HR: variants seen among roughly 807,000 people sequenced by gnomAD.
HR encodes the protein HR lysine demethylase and nuclear receptor corepressor.
Under a neutral mutation model 128.6 loss-of-function variants are expected in HR, and 83 were observed. The ratio of observed to expected loss-of-function variants is 0.65; its 90% CI spans 0.54 to 0.77. The LOEUF is 0.77. Ranked by LOEUF, HR falls within the 30% of genes least tolerant of loss-of-function variation. The probability of loss-of-function intolerance (pLI) is 0.00; values close to 1 mark genes in which losing one functional copy is unlikely to be tolerated. For synonymous variants in HR, 681 were observed against 658.2 expected, an observed-to-expected ratio of 1.03 and a Z score of -0.53; for missense variants, 1,490 against 1,574.6, an observed-to-expected ratio of 0.95 and a Z score of 0.91.
At chr8:22,122,978 C>T in intron 6 of HR, 99 bp from the exon 7 acceptor site, 4 of 1,116,188 alleles carry the variant, frequency 3.6e-6, no homozygotes, top group Non-Finnish European at 4.0e-6. Flanking sequence ...CCAGGGGACT[C>T]AATAGTCCAC....
At chr8:22,118,816 C>A (rs762847051) in intron 16 of HR, 134 bp downstream of exon 16, 8 of 721,852 alleles carry the variant, frequency 1.1e-5, no homozygotes, top group Non-Finnish European at 1.2e-5. Flanking sequence ...CCTGTCTGTG[C>A]GAGTTGGGTC....
At position 22,125,504 on chromosome 8, in the gene HR, T is replaced by G. The variant is rs1016281593; in HGVS notation, c.1557A>C (p.Arg519Ser). 2 of 1,613,262 alleles carry G rather than the reference T, an allele frequency of 1.2e-6. No homozygotes were observed. The highest frequency in any genetic ancestry group is 1.7e-6 in the Non-Finnish European group (2 of 1,179,922). The change falls in exon 5 of 19, where the codon AGA (arginine) becomes AGC (serine). Residue 519 changes from arginine to serine, a missense_variant and splice_region_variant. Coordinates refer to ENST00000381418, the MANE Select transcript of HR (RefSeq NM_005144.5). ...GCTGCAGCTCCCCTCCCAGAGGCGA[T>G]CTGGAGAGAGGGCAGGGGGAGGTGA... ...GHACHSQQVR[R>S]SPLGGELQQE...
At position 22,120,350 on chromosome 8, in the gene HR, CA is replaced by C; in HGVS notation, c.2767del (p.Trp923GlyfsTer31). ...GSTTFWEGFS[W>X]PELRPKSDEG... is the part of the protein sequence containing the mutation. ...GTGTTGGGGACACTTACGCTCAGGCCAGGAGAAGCCCTCCCAGAATGTTGTG... is the reference window on the plus strand; with the variant it reads ...GTGTTGGGGACACTTACGCTCAGGCCGGAGAAGCCCTCCCAGAATGTTGTG... On this transcript the variant is annotated frameshift_variant, in exon 12 of 19. Transcript: ENST00000381418. LOFTEE classifies it high-confidence loss of function. 2.5e-6 allele frequency: 4 copies of C among 1,613,796 alleles called. No individual in the cohort carries two copies. The highest frequency in any genetic ancestry group is 3.4e-6 in the Non-Finnish European group (4 of 1,180,014).
At chr8:22,123,585 A>T in intron 6 of HR, 64 bp downstream of exon 6, 1 of 1,470,910 alleles carries the variant, frequency 6.8e-7, no homozygotes, top group Non-Finnish European at 9.1e-7. Flanking sequence ...ACGAATGACC[A>T]CAGGCTTGCA....
Position 22,114,599 on chromosome 8 carries a change from G to C in HR, c.*1101C>G, listed in dbSNP as rs997294466. ...CGTGGAGCGGGGACAAGGAGGGGTC[G>C]GCTGTCTGAAGCAGTCAGGCTCAGT... is the stretch of plus-strand genomic sequence containing the variant. On this transcript the variant is annotated 3_prime_UTR_variant, in exon 19 of 19. Transcript: ENST00000381418. 1.3e-5 allele frequency: 2 copies of C among 153,006 alleles called. No homozygotes were observed. Among genetic ancestry groups the C allele is most frequent in the African/African-American group, 2.4e-5 (1 of 41,490 alleles). 9.5% of individuals were successfully genotyped at this position (153,006 alleles called of 1,614,324 possible).
intron 3 of HR, among the ~76,000 whole-genome samples, chr8:22,126,308 C>T (rs751678043): frequency 3.3e-5 from 5 of 152,198 alleles, no homozygotes; most frequent in Non-Finnish European, 5.9e-5. Context: ...CACACCCAGC[C>T]GTCCAGGAAG....
rs1445410471 is a variant in HR at position 22,127,075 on chromosome 8, T to C, written c.1367A>G (p.Asn456Ser). The change falls in exon 3 of 19, where the codon AAC (asparagine) becomes AGC (serine). Residue 456 changes from asparagine to serine, a missense_variant. Transcript: ENST00000381418. The stretch of plus-strand genomic sequence containing the variant: ...ATGCTGTCCCGAGTCCACATCCTTG[T>C]TCCCTATCGATGTGTCCCGCACCTC... ...WQEVRDTSIG[N>S]KDVDSGQHDE... 5.0e-6 allele frequency: 8 copies of C among 1,612,172 alleles called. No homozygotes were observed. Among genetic ancestry groups the C allele is most frequent in the Non-Finnish European group, 6.8e-6 (8 of 1,179,654 alleles).
rs1294183293 is a variant in HR, at chr8:22,127,057, C to T, written c.1385G>A (p.Gly462Glu). The change falls in exon 3 of 19, where the codon GGA becomes GAA. Residue 462 changes from glycine to glutamate, a missense_variant. Physicochemically the swap from Gly to Glu is moderately conservative, Grantham distance 98 (BLOSUM62 -2). Transcript: ENST00000381418. ...TSIGNKDVDS[G>E]QHDEQKGPQD... ...CTTACCTTTCTGCTCATCATGCTGTCCCGAGTCCACATCCTTGTTCCCTAT... is the reference window on the plus strand; with the variant it reads ...CTTACCTTTCTGCTCATCATGCTGTTCCGAGTCCACATCCTTGTTCCCTAT... The T allele has an allele frequency of 1.2e-6, 2 of 1,612,280 alleles. No individual in the cohort carries two copies. The highest frequency in any genetic ancestry group is 2.7e-5 in the African/African-American group (2 of 74,910).
intron 3 of HR, among the ~76,000 whole-genome samples, chr8:22,126,473 G>A (rs576519661): frequency 1.3e-5 from 2 of 152,350 alleles, no homozygotes; most frequent in South Asian, 4.1e-4. Context: ...ACCTGGCCAA[G>A]AGAGCAGCCA....
rs1563615346 is a variant in HR, at chr8:22,116,468, A to T, written c.3379-40T>A. 6.2e-7 allele frequency: 1 copy of T among 1,605,222 alleles called. No homozygotes were observed. The highest frequency in any genetic ancestry group is 1.1e-5 in the South Asian group (1 of 89,358). On this transcript the variant is annotated intron_variant, in intron 17 of 18. Transcript: ENST00000381418. This position sits in a 1 kb window ranked among gnomAD's most constrained non-coding sequence, Gnocchi z 4.2. ...CATGGACAGTGAGGCTCAAGATCAC[A>T]CATCCTCTCCCTGTCCCCCTGGTCC...
chr8:22,130,642 G>A lies in HR; in HGVS notation c.-255C>T. On this transcript the variant is annotated 5_prime_UTR_variant, in exon 1 of 19. It introduces an in-frame stop codon into an upstream open reading frame of the 5' UTR. Coordinates refer to ENST00000381418, the MANE Select transcript of HR (RefSeq NM_005144.5). ...TTGGAGGGGTCGGACTCCGGGATCT[G>A]CAGGATGCGGCACACGGCGCGGATC... 1 of 152,418 alleles carries A rather than the reference G, an allele frequency of 6.6e-6. No individual in the cohort carries two copies. Among genetic ancestry groups the A allele is most frequent in the Non-Finnish European group, 1.5e-5 (1 of 68,102 alleles). The allele number at this position is 152,418 out of a possible 1,614,324, so 9.4% of individuals were successfully genotyped here. A position where few individuals can be genotyped will look rare whatever the true frequency, so the allele number is the denominator to read the frequency against.
In HR at chr8:22,116,542, A is replaced by C; in HGVS notation, c.3379-114T>G. On this transcript the variant is annotated intron_variant, in intron 17 of 18. Transcript: ENST00000381418. This position sits in a 1 kb window ranked among gnomAD's most constrained non-coding sequence, Gnocchi z 4.2. ...CAACCACCCCCGACCCCTGGCTCTCAGAGAGCAGATTCCTGGATGCACCAC... is the reference window on the plus strand; with the variant it reads ...CAACCACCCCCGACCCCTGGCTCTCCGAGAGCAGATTCCTGGATGCACCAC... The C allele has an allele frequency of 7.4e-7, 1 of 1,344,904 alleles. No homozygotes were observed. The highest frequency in any genetic ancestry group is 1.0e-6 in the Non-Finnish European group (1 of 997,552). 83.3% of individuals were successfully genotyped at this position (1,344,904 alleles called of 1,614,324 possible).
At position 22,128,767 on chromosome 8, in the gene HR, G is replaced by C; in HGVS notation, c.404C>G (p.Pro135Arg). 6.2e-7 allele frequency: 1 copy of C among 1,608,116 alleles called. No individual in the cohort carries two copies. The highest frequency in any genetic ancestry group is 8.5e-7 in the Non-Finnish European group (1 of 1,177,750). Reference sequence around the variant, plus strand: ...GCAGTGCCAGGGCCGGAAGGCCACAGGGTCACTCTTGAGATGGCCACCACT... The same window carrying C: ...GCAGTGCCAGGGCCGGAAGGCCACACGGTCACTCTTGAGATGGCCACCACT... The part of the protein sequence containing the change: ...EHSGGHLKSD[P>R]VAFRPWHCPF... The change falls in exon 2 of 19, where the codon CCT becomes CGT. Residue 135 changes from proline (P) to arginine (R), a missense_variant. Around this residue, in one of 3 missense-constraint regions of HR, gnomAD observed 1,060 missense variants for 1,060.9 expected, o/e 1.00. Coordinates refer to ENST00000381418, the MANE Select transcript of HR (RefSeq NM_005144.5).
chr8:22,116,822 G>T lies in HR; in HGVS notation c.3378+53C>A. ...GTTGGATGCCTGCGGCCTTGATTGG[G>T]TCGCTTCTGCCATCCTGATCTCCCC... On this transcript the variant is annotated intron_variant, in intron 17 of 18. Coordinates refer to ENST00000381418, the MANE Select transcript of HR (RefSeq NM_005144.5). This position sits in a 1 kb window ranked among gnomAD's most constrained non-coding sequence, Gnocchi z 4.2. The T allele has an allele frequency of 6.5e-7, 1 of 1,542,604 alleles. No individual in the cohort carries two copies. The highest frequency in any genetic ancestry group is 1.4e-5 in the African/African-American group (1 of 73,396).
intron 3 of HR, among the ~76,000 whole-genome samples, chr8:22,126,760 G>C (rs898430399): frequency 6.6e-6 from 1 of 152,340 alleles, no homozygotes; most frequent in Admixed American, 6.5e-5. Flanking sequence ...CAAAGTCAGG[G>C]ACGAGGCACT....
chr8:22,129,447 G>A (rs111373945), intron 1 of HR, among the ~76,000 whole-genome samples: 7,716 of 152,302 alleles, frequency 0.051, 659 homozygotes, highest in African/African-American at 0.17. Flanking sequence ...GCCCCTCAGC[G>A]GAGGCTGCCA....
At chr8:22,130,264 G>C (rs972639685) in intron 1 of HR, among the ~76,000 whole-genome samples, 164 bp downstream of exon 1, 5 of 152,234 alleles carry the variant, frequency 3.3e-5, no homozygotes, top group Non-Finnish European at 7.3e-5. Context: ...TGGAGCCACC[G>C]CTCCGCCGTG....
At chr8:22,129,923 C>G (rs1827006308) in intron 1 of HR, among the ~76,000 whole-genome samples, 1 of 152,224 alleles carries the variant, frequency 6.6e-6, no homozygotes, top group African/African-American at 2.4e-5. Flanking sequence ...GCCCTGGCCC[C>G]CAGCGGGAAG....
At position 22,123,817 on chromosome 8, in the gene HR, C is replaced by T; in HGVS notation, c.1751-4G>A. On this transcript the variant is annotated splice_polypyrimidine_tract_variant and splice_region_variant and intron_variant, in intron 5 of 18. Coordinates refer to ENST00000381418, the MANE Select transcript of HR (RefSeq NM_005144.5). The stretch of plus-strand genomic sequence containing the variant: ...TCTGTCACGGCTGGCCCTTGGCCTG[C>T]TGACCACGGAGAGAACAGGGTCAGA... 1.3e-6 allele frequency: 2 copies of T among 1,595,934 alleles called. No individual in the cohort carries two copies. The highest frequency in any genetic ancestry group is 1.1e-5 in the South Asian group (1 of 88,482).
Sources: allele counts gnomAD v4.1 joint callset (sites outside exome capture counted in the v4.1 genomes callset), GRCh38; gene constraint gnomAD v4.1.1; regional missense constraint gnomAD v4.1.1; non-coding constraint Gnocchi (gnomAD v3.1); transcripts MANE v1.5; gene names NCBI Gene and HGNC (gene_info 2026-07-23, HGNC 2026-07-21).